The following C3orf20 variants were observed in gnomAD, a reference collection of about 807,000 sequenced individuals.
The protein encoded by C3orf20 is family with sequence similarity 149 member C.
C3orf20 carries 76 observed loss-of-function variants against 88.3 expected under a neutral mutation model. The observed-to-expected ratio is 0.86, with a 90% CI of 0.72 to 1.04. The LOEUF (loss-of-function observed/expected upper bound fraction) is 1.04, where lower values mean the gene tolerates loss of function less well. Ranked by LOEUF, C3orf20 falls within the 50% of genes least tolerant of loss-of-function variation. C3orf20 has a pLI of 0.00. For missense variants in C3orf20, 1,056 were observed against 1,123.3 expected, an observed-to-expected ratio of 0.94 and a Z score of 0.86; for synonymous variants, 436 against 437.4, an observed-to-expected ratio of 1.00 and a Z score of 0.04.
chr3:14,760,303 C>T (rs1286901281), intron 14 of C3orf20, among the ~76,000 whole-genome samples: 2 of 152,146 alleles, frequency 1.3e-5, no homozygotes, highest in Non-Finnish European at 2.9e-5. Context: ...ATGGCTTTAT[C>T]CTAAAAACAG....
chr3:14,742,120 A>G (rs1035243069), intron 12 of C3orf20, among the ~76,000 whole-genome samples: 2 of 152,256 alleles, frequency 1.3e-5, no homozygotes, highest in African/African-American at 2.4e-5. Flanking sequence ...TAATCTATTA[A>G]GTTGGTGCAA....
At chr3:14,760,598 T>C (rs1022964282) in intron 14 of C3orf20, among the ~76,000 whole-genome samples, 13 of 141,274 alleles carry the variant, frequency 9.2e-5, no homozygotes, top group African/African-American at 2.9e-4. Context: ...TGTGTAAGAG[T>C]CTGTCTTCTT....
chr3:14,734,496 G>A (rs577301556), intron 12 of C3orf20, among the ~76,000 whole-genome samples: 1 of 152,008 alleles, frequency 6.6e-6, no homozygotes, highest in Non-Finnish European at 1.5e-5. Context: ...ACCATTTCGG[G>A]ATTGTCTAGT....
intron 7 of C3orf20, among the ~76,000 whole-genome samples, chr3:14,710,007 G>T (rs1467720715): frequency 1.3e-5 from 2 of 152,014 alleles, no homozygotes; most frequent in African/African-American, 4.8e-5. Flanking sequence ...GCTTTTCTTT[G>T]TTGGGTGATT....
intron 12 of C3orf20, among the ~76,000 whole-genome samples, chr3:14,745,765 T>C: frequency 6.6e-6 from 1 of 152,362 alleles, no homozygotes; most frequent in East Asian, 1.9e-4. Context: ...ATAGTTTTAA[T>C]TTGTATTTAT....
chr3:14,734,337 T>C (rs1440687662), intron 12 of C3orf20, among the ~76,000 whole-genome samples: 2 of 152,160 alleles, frequency 1.3e-5, no homozygotes, highest in Non-Finnish European at 2.9e-5. Flanking sequence ...ATACATATAA[T>C]ATTACAAATT....
chr3:14,734,744 A>G (rs993201017), intron 12 of C3orf20, among the ~76,000 whole-genome samples: 10 of 152,110 alleles, frequency 6.6e-5, no homozygotes, highest in Non-Finnish European at 1.2e-4. Flanking sequence ...AATCTTATAT[A>G]TACTTATAAA....
chr3:14,761,627 A>G lies in C3orf20; in HGVS notation c.2495+12A>G, dbSNP rs747338930. The stretch of plus-strand genomic sequence containing the variant: ...GACTACAAATTCAGGTAAAACAGGA[A>G]ACACGCAGGATGAGGGATGGGCCTG... On this transcript the variant is annotated intron_variant, in intron 15 of 16. Coordinates refer to ENST00000253697, the MANE Select transcript of C3orf20 (RefSeq NM_032137.5). The G allele has an allele frequency of 6.2e-7, 1 of 1,613,958 alleles. No homozygotes were observed. The highest frequency in any genetic ancestry group is 1.1e-5 in the South Asian group (1 of 91,066).
intron 15 of C3orf20, among the ~76,000 whole-genome samples, chr3:14,770,543 A>G (rs1464831701): frequency 6.6e-6 from 1 of 152,188 alleles, no homozygotes; most frequent in South Asian, 2.1e-4. Flanking sequence ...CCCTGCCTGG[A>G]CAGTCCCTCC....
chr3:14,723,797 ATTTTATTTTAT>A (rs2034249332), intron 10 of C3orf20, among the ~76,000 whole-genome samples: 1 of 8,294 alleles, frequency 1.2e-4, no homozygotes, highest in African/African-American at 3.0e-4. Context: ...ATTTTATTTT[ATTTTATTTTAT>A]TTTATTTTAT....
At chr3:14,727,148 C>T in intron 11 of C3orf20, 124 bp downstream of exon 11, 1 of 1,156,102 alleles carries the variant, frequency 8.6e-7, no homozygotes, top group Non-Finnish European at 1.3e-6. Flanking sequence ...TCTGAATGTC[C>T]AGGGAAGTAG....
At chr3:14,718,133 A>G (rs1160282966) in intron 9 of C3orf20, among the ~76,000 whole-genome samples, 8 of 152,084 alleles carry the variant, frequency 5.3e-5, no homozygotes, top group Non-Finnish European at 2.9e-5. Context: ...ACCTGCTCCA[A>G]TCTTTCCCCT....
At chr3:14,769,873 G>A (rs2035813474) in intron 15 of C3orf20, among the ~76,000 whole-genome samples, 2 of 152,148 alleles carry the variant, frequency 1.3e-5, no homozygotes, top group Admixed American at 1.3e-4. Flanking sequence ...TGAACTCAGG[G>A]CCTTCTATAG....
At chr3:14,740,810 C>G (rs1366894657) in intron 12 of C3orf20, among the ~76,000 whole-genome samples, 2 of 151,768 alleles carry the variant, frequency 1.3e-5, no homozygotes, top group Admixed American at 1.3e-4. Flanking sequence ...AGTTCTTGAT[C>G]TTATTTATTC....
chr3:14,760,293 A>T (rs549440511), intron 14 of C3orf20, among the ~76,000 whole-genome samples: 1 of 152,310 alleles, frequency 6.6e-6, no homozygotes, highest in African/African-American at 2.4e-5. Flanking sequence ...TTGTTTTTAA[A>T]TGGCTTTATC....
chr3:14,717,083 G>A (rs2033970125), intron 9 of C3orf20, among the ~76,000 whole-genome samples: 1 of 152,204 alleles, frequency 6.6e-6, no homozygotes, highest in Non-Finnish European at 1.5e-5. Context: ...AACCTGAGGA[G>A]CTAAGTACTA....
intron 12 of C3orf20, among the ~76,000 whole-genome samples, chr3:14,752,724 G>A (rs560172023): frequency 1.3e-5 from 2 of 152,308 alleles, no homozygotes; most frequent in East Asian, 3.9e-4. Context: ...GCAGCCAACA[G>A]ACATATGAAA....
chr3:14,731,889 A>G (rs2034549612), intron 12 of C3orf20, among the ~76,000 whole-genome samples: 1 of 152,246 alleles, frequency 6.6e-6, no homozygotes, highest in Admixed American at 6.5e-5. Flanking sequence ...TTGTTTATCC[A>G]TTCAACCACT....
At chr3:14,757,011 G>A (rs780979044) in intron 12 of C3orf20, among the ~76,000 whole-genome samples, 3 of 152,316 alleles carry the variant, frequency 2.0e-5, no homozygotes, top group Admixed American at 2.0e-4. Context: ...ATCCGTGGGG[G>A]TGGAGGGGAG....
Sources: allele counts gnomAD v4.1 joint callset (sites outside exome capture counted in the v4.1 genomes callset), GRCh38; gene constraint gnomAD v4.1.1; transcripts MANE v1.5; gene names NCBI Gene and HGNC (gene_info 2026-07-23, HGNC 2026-07-21).